CTNNA3: variants seen among roughly 807,000 people sequenced by gnomAD.
CTNNA3 encodes catenin alpha-3.
Under a neutral mutation model 95.7 loss-of-function variants are expected in CTNNA3, and 76 were observed. The ratio of observed to expected loss-of-function variants is 0.79; its 90% confidence interval spans 0.66 to 0.96. The LOEUF is 0.96. Among genes scored for constraint, CTNNA3 ranks in the 40% least tolerant of loss-of-function variants. The probability of loss-of-function intolerance (pLI) is 0.00; values close to 1 mark genes in which losing one functional copy is unlikely to be tolerated. For missense variants in CTNNA3, 1,191 were observed against 1,089.8 expected (o/e 1.09, Z -1.31); for synonymous variants, 431 against 374.4 (o/e 1.15, Z -1.74).
intron 10 of CTNNA3, among the ~76,000 whole-genome samples, chr10:66,565,852 C>A (rs1447936057): frequency 2.0e-5 from 3 of 152,090 alleles, no homozygotes; most frequent in Non-Finnish European, 4.4e-5. Context: ...GGGCAGAAAA[C>A]ATTAGGAGAA....
chr10:66,749,202 C>CAAAAAAAAAAAAAAAAAAAAAA (rs35568730), intron 9 of CTNNA3, among the ~76,000 whole-genome samples: 2 of 50,860 alleles, frequency 3.9e-5, no homozygotes, highest in Non-Finnish European at 6.6e-5. Context: ...AACTCCAACT[C>CAAAAAAAAAAAAAAAAAAAAAA]AAAAAAAAAA....
intron 13 of CTNNA3, among the ~76,000 whole-genome samples, chr10:66,112,861 C>T (rs900867532): frequency 2.4e-4 from 36 of 151,982 alleles, no homozygotes; most frequent in African/African-American, 8.7e-4. Context: ...TTTTAGTTAC[C>T]CTTTCATCTG....
At chr10:66,144,053 C>A (rs1466184685) in intron 13 of CTNNA3, among the ~76,000 whole-genome samples, 1 of 152,144 alleles carries the variant, frequency 6.6e-6, no homozygotes, top group Non-Finnish European at 1.5e-5. Flanking sequence ...TGATAGAATT[C>A]TATTTTTTGT....
intron 7 of CTNNA3, among the ~76,000 whole-genome samples, chr10:67,116,687 C>T (rs1156358868): frequency 6.7e-6 from 1 of 148,154 alleles, no homozygotes; most frequent in Non-Finnish European, 1.5e-5. Context: ...ATCTAAGGAT[C>T]GTAGCACCTA....
intron 11 of CTNNA3, among the ~76,000 whole-genome samples, chr10:66,410,743 A>C (rs1394275089): frequency 6.6e-6 from 1 of 152,128 alleles, no homozygotes; most frequent in Non-Finnish European, 1.5e-5. Context: ...TCTTTTGCCT[A>C]CTTCTCCCAT....
intron 5 of CTNNA3, among the ~76,000 whole-genome samples, chr10:67,259,050 G>T (rs2132384139): frequency 6.6e-6 from 1 of 151,756 alleles, no homozygotes; most frequent in South Asian, 2.1e-4. Context: ...TATTTTTATT[G>T]TTGCGTTGTG....
At chr10:66,677,273 A>G (rs1846892134) in intron 9 of CTNNA3, among the ~76,000 whole-genome samples, 1 of 152,116 alleles carries the variant, frequency 6.6e-6, no homozygotes, top group South Asian at 2.1e-4. Context: ...TACACACTAA[A>G]GGAGTGCTTC....
At chr10:66,212,344 T>C (rs188845410) in intron 13 of CTNNA3, among the ~76,000 whole-genome samples, 3 of 152,304 alleles carry the variant, frequency 2.0e-5, no homozygotes, top group Admixed American at 6.5e-5. Context: ...TAATCTGTTA[T>C]ACATGTGTGC....
rs965604988 is a variant in CTNNA3 at position 67,240,036 on chromosome 10, C to A, written c.580-20166G>T. On this transcript the variant is annotated intron_variant, in intron 5 of 17. Transcript: ENST00000433211. ...CTTCCTTACGAAGCTACATTCCTGC[C>A]CACATGGAATAGCTCAGCATATACT... Among the ~76,000 whole-genome samples the A allele has an allele frequency of 7.2e-5, 11 of 152,280 alleles. No individual in the cohort carries two copies. The East Asian group carries it at 1.5e-3, about 21-fold the overall frequency.
intron 2 of CTNNA3, among the ~76,000 whole-genome samples, chr10:67,645,191 G>GCACA (rs1554869400): frequency 3.6e-5 from 5 of 140,536 alleles, no homozygotes; most frequent in African/African-American, 1.5e-4. Flanking sequence ...GTGCACGTGC[G>GCACA]CGCACACACA....
At chr10:67,132,261 G>C (rs1860052481) in intron 7 of CTNNA3, among the ~76,000 whole-genome samples, 1 of 152,084 alleles carries the variant, frequency 6.6e-6, no homozygotes, top group Non-Finnish European at 1.5e-5. Flanking sequence ...TAGGATTGAT[G>C]CGACAAAATG....
intron 1 of CTNNA3, among the ~76,000 whole-genome samples, chr10:67,704,534 C>A (rs1306226889): frequency 2.6e-5 from 4 of 152,166 alleles, no homozygotes; most frequent in Non-Finnish European, 5.9e-5. Context: ...GGAAAGGATT[C>A]CCTATTTAAT....
chr10:67,702,441 G>T (rs905440356), intron 1 of CTNNA3, among the ~76,000 whole-genome samples: 1 of 152,184 alleles, frequency 6.6e-6, no homozygotes, highest in Non-Finnish European at 1.5e-5. Flanking sequence ...AGACCACAGT[G>T]CAATCAAACT....
At chr10:67,236,338 A>T (rs1182979218) in intron 5 of CTNNA3, among the ~76,000 whole-genome samples, 2 of 151,728 alleles carry the variant, frequency 1.3e-5, no homozygotes, top group African/African-American at 4.8e-5. Flanking sequence ...GCCATAAAAA[A>T]TGATGAGTTC....
intron 7 of CTNNA3, among the ~76,000 whole-genome samples, chr10:67,122,314 A>G (rs2394335): frequency 0.36 from 54,784 of 151,852 alleles, 10,283 homozygotes; most frequent in Middle Eastern, 0.59. Context: ...CCCTTTGTCC[A>G]AAAAAAGATT....
intron 1 of CTNNA3, among the ~76,000 whole-genome samples, chr10:67,649,423 G>A (rs1224046736): frequency 1.3e-5 from 2 of 152,148 alleles, no homozygotes; most frequent in Non-Finnish European, 2.9e-5. Flanking sequence ...TCTAAAAGGA[G>A]TGCTTTTTAG....
intron 5 of CTNNA3, among the ~76,000 whole-genome samples, chr10:67,332,787 A>C (rs1841847587): frequency 6.6e-6 from 1 of 152,126 alleles, no homozygotes; most frequent in African/African-American, 2.4e-5. Flanking sequence ...TACAGCTCTA[A>C]CTCTGGAACT....
chr10:67,383,945 G>T (rs376003385), intron 5 of CTNNA3, among the ~76,000 whole-genome samples: 1 of 152,062 alleles, frequency 6.6e-6, no homozygotes, highest in African/African-American at 2.4e-5. Flanking sequence ...CAGCTTTCTT[G>T]ATTTATTTTC....
intron 5 of CTNNA3, among the ~76,000 whole-genome samples, chr10:67,339,444 A>G (rs1166470537): frequency 6.6e-6 from 1 of 152,166 alleles, no homozygotes. Flanking sequence ...TACACGATAT[A>G]TCCTAAGGAT....
Sources: allele counts gnomAD v4.1 joint callset (sites outside exome capture counted in the v4.1 genomes callset), GRCh38; gene constraint gnomAD v4.1.1; transcripts MANE v1.5; gene names NCBI Gene and HGNC (gene_info 2026-07-23, HGNC 2026-07-21).